SPTBN1: variants seen among roughly 807,000 people sequenced by gnomAD.
The protein encoded by SPTBN1 is spectrin beta chain, non-erythrocytic 1.
A neutral mutation model predicts 266.4 loss-of-function variants in SPTBN1; 32 were observed. The observed-to-expected ratio is 0.12, with a 90% CI of 0.09 to 0.16. SPTBN1 has a LOEUF of 0.16. SPTBN1 is among the 10% of genes least tolerant of loss of function. The pLI is 1.00. For synonymous variants in SPTBN1, 1,336 were observed against 1,162.2 expected (o/e 1.15, Z -3.04); for missense variants, 2,296 against 3,067.1 (o/e 0.75, Z 5.94).
Position 54,664,229 on chromosome 2 carries a change from A to T in SPTBN1, c.6421-224A>T. 1 of 534,414 alleles carries T rather than the reference A, an allele frequency of 1.9e-6. No individual in the cohort carries two copies. The highest frequency in any genetic ancestry group is 3.3e-6 in the Non-Finnish European group (1 of 300,726). The allele number at this position is 534,414 out of a possible 1,614,324, so 33.1% of individuals were successfully genotyped here. On this transcript the variant is annotated intron_variant, in intron 32 of 35. Transcript: ENST00000356805. The surrounding 1 kb of genome is among the most constrained non-coding windows in gnomAD (Gnocchi z 5.6). ...AGAGTGCAGTAAAACTCATACTGGC[A>T]TTTCGCTTTTCTCATTTCCCTGTAA... is the stretch of plus-strand genomic sequence containing the variant.
Position 54,664,729 on chromosome 2 carries a change from T to C in SPTBN1, c.6659+38T>C. 6.2e-7 allele frequency: 1 copy of C among 1,603,354 alleles called. No homozygotes were observed. Among genetic ancestry groups the C allele is most frequent in the Non-Finnish European group, 8.5e-7 (1 of 1,171,912 alleles). On this transcript the variant is annotated intron_variant, in intron 33 of 35. Transcript: ENST00000356805. This position sits in a 1 kb window ranked among gnomAD's most constrained non-coding sequence, Gnocchi z 5.6. ...GAGGCTGCCACAGTAAGATGGGAAG[T>C]CAGCCTGTGAAGGGATAAGGCGGGC...
At chr2:54,514,255 G>A (rs1323550123) in intron 1 of SPTBN1, among the ~76,000 whole-genome samples, 2 of 152,122 alleles carry the variant, frequency 1.3e-5, no homozygotes, top group Non-Finnish European at 2.9e-5. Flanking sequence ...TTCTTAAACC[G>A]TGGTGATGAG....
chr2:54,568,668 G>T (rs1250312942), intron 2 of SPTBN1, among the ~76,000 whole-genome samples: 1 of 152,078 alleles, frequency 6.6e-6, no homozygotes, highest in African/African-American at 2.4e-5. Flanking sequence ...CTAGAAATTT[G>T]TGAGGTAAAA....
intron 2 of SPTBN1, among the ~76,000 whole-genome samples, chr2:54,581,102 A>G (rs1370375324): frequency 6.6e-6 from 1 of 152,046 alleles, no homozygotes; most frequent in Non-Finnish European, 1.5e-5. Flanking sequence ...AGTCTTAAAA[A>G]AAAAGAAAAA....
rs1458115918 is a variant in SPTBN1, at chr2:54,618,177, A to G, written c.747A>G (p.Lys249=). ...NLAEQHLGLT[K]LLDPEDISVD... Reference sequence around the variant, plus strand: ...CAGAACAGCACCTCGGCCTCACTAAACTGTTGGACCCCGAAGGTAGGGACT... The same window carrying G: ...CAGAACAGCACCTCGGCCTCACTAAGCTGTTGGACCCCGAAGGTAGGGACT... The change falls in exon 7 of 36, where the codon AAA becomes AAG. Residue 249 remains lysine (K), a synonymous_variant. Transcript: ENST00000356805. 1.9e-6 allele frequency: 3 copies of G among 1,613,960 alleles called. No homozygotes were observed. The highest frequency in any genetic ancestry group is 2.7e-5 in the African/African-American group (2 of 74,894).
chr2:54,591,559 A>G (rs139032996), intron 2 of SPTBN1, among the ~76,000 whole-genome samples: 3 of 152,246 alleles, frequency 2.0e-5, no homozygotes, highest in African/African-American at 7.2e-5. Context: ...CCAGGTATAA[A>G]TTCAGTCTTT....
chr2:54,499,659 A>G (rs1462256314), intron 1 of SPTBN1, among the ~76,000 whole-genome samples: 2 of 152,228 alleles, frequency 1.3e-5, no homozygotes, highest in African/African-American at 2.4e-5. Context: ...AACATTTGTA[A>G]TTATCTAATT....
chr2:54,635,890 C>A (rs981618068), intron 17 of SPTBN1, among the ~76,000 whole-genome samples: 1 of 152,256 alleles, frequency 6.6e-6, no homozygotes, highest in Non-Finnish European at 1.5e-5. Flanking sequence ...CTAACCCATC[C>A]ACATTCTTAG....
rs868505067 is a variant in SPTBN1, at chr2:54,659,172, C to T, written c.6262C>T (p.Arg2088Cys). Reference sequence around the variant, plus strand: ...CTCTTAGTTGGAGTTACTGGAAGTGCGCAGACAGCAAGAGGAAGAGGAGAG... The same window carrying T: ...CTCTTAGTTGGAGTTACTGGAAGTGTGCAGACAGCAAGAGGAAGAGGAGAG... ...RLTTLELLEV[R>C]RQQEEEERKR... The change falls in exon 31 of 36, where the codon CGC becomes TGC. Residue 2088 changes from arginine to cysteine, a missense_variant. Coordinates refer to ENST00000356805, the MANE Select transcript of SPTBN1 (RefSeq NM_003128.3). 3.7e-6 allele frequency: 6 copies of T among 1,613,772 alleles called. No homozygotes were observed. Among genetic ancestry groups the T allele is most frequent in the African/African-American group, 2.7e-5 (2 of 74,886 alleles).
rs1323205095 is a variant in SPTBN1, at chr2:54,626,015, G to A, written c.1425G>A (p.Glu475=). The A allele has an allele frequency of 1.2e-6, 2 of 1,614,214 alleles. No homozygotes were observed. Among genetic ancestry groups the A allele is most frequent in the Middle Eastern group, 1.7e-4 (1 of 6,060 alleles). Residue 475 remains glutamate (E), a synonymous_variant, in exon 12 of 36, where the codon GAG becomes GAA. Transcript: ENST00000356805. The surrounding 1 kb of genome is among the most constrained non-coding windows in gnomAD (Gnocchi z 4.7). The part of the protein sequence containing the change: ...EAIETDIAAY[E]ERVQAVVAVA... The stretch of plus-strand genomic sequence containing the variant: ...TTGAGACAGACATTGCCGCATACGA[G>A]GAGCGTGTGCAGGCTGTGGTAGCCG...
At chr2:54,652,573 C>T (rs1287052577) in intron 26 of SPTBN1, 1 of 152,166 alleles carries the variant, frequency 6.6e-6, no homozygotes, top group Non-Finnish European at 1.5e-5. Context: ...CCTAAATATG[C>T]AAGAATGTAT....
chr2:54,586,678 C>T (rs1201998721), intron 2 of SPTBN1, among the ~76,000 whole-genome samples: 1 of 152,222 alleles, frequency 6.6e-6, no homozygotes, highest in Non-Finnish European at 1.5e-5. Context: ...CCCCCTCTTT[C>T]TGGTCTTTGT....
At chr2:54,484,429 A>G (rs1668248335) in intron 1 of SPTBN1, among the ~76,000 whole-genome samples, 1 of 152,180 alleles carries the variant, frequency 6.6e-6, no homozygotes, top group South Asian at 2.1e-4. Flanking sequence ...ATTTTTAATT[A>G]CATTTCACAC....
At chr2:54,592,977 G>A (rs1288976689) in intron 2 of SPTBN1, among the ~76,000 whole-genome samples, 1 of 152,100 alleles carries the variant, frequency 6.6e-6, no homozygotes, top group Non-Finnish European at 1.5e-5. Context: ...CTTAGAGAAA[G>A]TATGAAGTGC....
In SPTBN1 at chr2:54,496,649, T is replaced by A. The variant is rs1244561507; in HGVS notation, c.-47-29723T>A. ...GTTAGTAACTTACCCAAATAAATGA[T>A]CAACTTATATGAAAACATATCCATC... On this transcript the variant is annotated intron_variant, in intron 1 of 35. Coordinates refer to ENST00000356805, the MANE Select transcript of SPTBN1 (RefSeq NM_003128.3). Among the ~76,000 whole-genome samples, 4 of 152,284 alleles carry A rather than the reference T, an allele frequency of 2.6e-5. No individual in the cohort carries two copies. In the East Asian group the frequency reaches 7.7e-4, roughly 29 times the overall value.
At chr2:54,562,238 C>T (rs1162782254) in intron 2 of SPTBN1, among the ~76,000 whole-genome samples, 4 of 152,204 alleles carry the variant, frequency 2.6e-5, no homozygotes, top group African/African-American at 7.2e-5. Context: ...TTCACATCAG[C>T]CAGCTTAACT....
At position 54,631,143 on chromosome 2, in the gene SPTBN1, C is replaced by T. The variant is rs141980863; in HGVS notation, c.3096C>T (p.Ala1032=). The change falls in exon 16 of 36, where the codon GCC becomes GCT. Residue 1032 remains alanine, a synonymous_variant. Coordinates refer to ENST00000356805, the MANE Select transcript of SPTBN1 (RefSeq NM_003128.3). ...CCGAGCACCCCGACCAGGCCCAGGC[C>T]ATCCTGTCTCGGCTGGCCGAGATCA... ...LESEHPDQAQ[A]ILSRLAEISD... is the part of the protein sequence containing the mutation. 1.3e-4 allele frequency: 209 copies of T among 1,614,202 alleles called. 1 individual carries two copies. In the African/African-American group the frequency reaches 2.5e-3, roughly 19 times the overall value.
chr2:54,480,510 C>T (rs537580610), intron 1 of SPTBN1, among the ~76,000 whole-genome samples: 1 of 152,298 alleles, frequency 6.6e-6, no homozygotes, highest in South Asian at 2.1e-4. Context: ...TCAGCTTTAA[C>T]TTGATGTCCA....
Position 54,629,608 on chromosome 2 carries a change from C to G in SPTBN1, c.2474C>G (p.Ser825Trp), listed in dbSNP as rs755455957. Reference protein sequence around the residue: ...AESPDVRGRLSGIEERYKEVA... With the variant: ...AESPDVRGRLWGIEERYKEVA... ...TCTCCAGACGTGAGGGGCAGGCTGT[C>G]GGGCATCGAGGAGCGGTATAAGGAG... Residue 825 changes from serine to tryptophan, a missense_variant, in exon 14 of 36, where the codon TCG becomes TGG. By Grantham distance (177) the Ser-to-Trp change is radical (BLOSUM62 -3). Around this residue, in one of 12 missense-constraint regions of SPTBN1, gnomAD observed 434 missense variants for 573.9 expected, o/e 0.76. Transcript: ENST00000356805. 1.2e-6 allele frequency: 2 copies of G among 1,613,978 alleles called. No individual in the cohort carries two copies. The highest frequency in any genetic ancestry group is 4.5e-5 in the East Asian group (2 of 44,884).
Sources: allele counts gnomAD v4.1 joint callset (sites outside exome capture counted in the v4.1 genomes callset), GRCh38; gene constraint gnomAD v4.1.1; regional missense constraint gnomAD v4.1.1; non-coding constraint Gnocchi (gnomAD v3.1); transcripts MANE v1.5; gene names NCBI Gene and HGNC (gene_info 2026-07-23, HGNC 2026-07-21).